Variants in HS3ST5 observed in about 807,000 individuals in gnomAD.
HS3ST5 encodes heparan sulfate-glucosamine 3-sulfotransferase 5.
Under a neutral mutation model 25.4 loss-of-function variants are expected in HS3ST5, and 10 were observed. The ratio of observed to expected loss-of-function variants is 0.39; its 90% CI spans 0.24 to 0.67. The LOEUF (loss-of-function observed/expected upper bound fraction) is 0.67. Among genes scored for constraint, HS3ST5 ranks in the 30% least tolerant of loss-of-function variants. The pLI is 0.44. For missense variants in HS3ST5, 324 were observed against 420.7 expected (o/e 0.77, Z 2.01); for synonymous variants, 170 against 162.4 (o/e 1.05, Z -0.36).
intron 1 of HS3ST5, among the ~76,000 whole-genome samples, chr6:114,261,095 G>T (rs1374792751): frequency 1.3e-5 from 2 of 152,134 alleles, no homozygotes; most frequent in Non-Finnish European, 2.9e-5. Context: ...AAGTTCAGTG[G>T]CTTGAATAAT....
At chr6:114,259,306 T>C (rs1405350895) in intron 1 of HS3ST5, among the ~76,000 whole-genome samples, 2 of 152,148 alleles carry the variant, frequency 1.3e-5, no homozygotes, top group East Asian at 3.8e-4. Context: ...ATGACACTGT[T>C]GCCTTTCCAA....
chr6:114,263,017 T>C (rs1006721382), intron 1 of HS3ST5, among the ~76,000 whole-genome samples: 3 of 152,180 alleles, frequency 2.0e-5, no homozygotes, highest in Admixed American at 2.0e-4. Context: ...ATTCAGTTGC[T>C]GTTTCCCTTA....
chr6:114,184,721 A>G (rs942913634), intron 2 of HS3ST5, among the ~76,000 whole-genome samples: 3 of 152,254 alleles, frequency 2.0e-5, no homozygotes, highest in Non-Finnish European at 4.4e-5. Flanking sequence ...CCTGCCAGGT[A>G]GAACCATGGG....
intron 2 of HS3ST5, among the ~76,000 whole-genome samples, chr6:114,191,322 C>T (rs779021072): frequency 2.0e-5 from 3 of 152,126 alleles, no homozygotes; most frequent in Non-Finnish European, 4.4e-5. Flanking sequence ...TCACTCAATT[C>T]TGCCTTATTG....
intron 1 of HS3ST5, among the ~76,000 whole-genome samples, chr6:114,250,888 T>G (rs931842348): frequency 6.6e-5 from 10 of 152,150 alleles, no homozygotes; most frequent in African/African-American, 2.4e-4. Context: ...AAAAGTTGAG[T>G]GTTTAGAAGT....
rs1319253274 is a variant in HS3ST5 at position 114,249,229 on chromosome 6, ATTCAGCACAT to A, written c.-338-20461_-338-20452del. Among the ~76,000 whole-genome samples the A allele has an allele frequency of 7.2e-5, 11 of 152,314 alleles. No homozygotes were observed. The South Asian group carries it at 2.3e-3, about 32-fold the overall frequency. On this transcript the variant is annotated intron_variant, in intron 1 of 4. Coordinates refer to ENST00000312719, the MANE Select transcript of HS3ST5 (RefSeq NM_153612.4). Reference sequence around the variant, plus strand: ...GTCCATGTTTCTTTTATTAATAGAGATTCAGCACATATGCACTAATTAATAATTAATCTTT... The same window carrying A: ...GTCCATGTTTCTTTTATTAATAGAGAATGCACTAATTAATAATTAATCTTT...
intron 1 of HS3ST5, among the ~76,000 whole-genome samples, chr6:114,272,926 AT>A (rs1179545049): frequency 6.6e-6 from 1 of 152,082 alleles, no homozygotes; most frequent in Non-Finnish European, 1.5e-5. Flanking sequence ...ATTCAGAGAC[AT>A]ACGAGAGAGG....
intron 2 of HS3ST5, among the ~76,000 whole-genome samples, chr6:114,219,157 C>T (rs1781911542): frequency 6.6e-6 from 1 of 152,222 alleles, no homozygotes; most frequent in Non-Finnish European, 1.5e-5. Flanking sequence ...ATTGCTACCT[C>T]ATAAGTATTT....
intron 3 of HS3ST5, among the ~76,000 whole-genome samples, chr6:114,111,980 G>A (rs1776289234): frequency 6.6e-6 from 1 of 151,966 alleles, no homozygotes; most frequent in Admixed American, 6.6e-5. Context: ...TTTCCTCCTT[G>A]CCGTCCTTCT....
chr6:114,109,879 T>C (rs1776183279), intron 3 of HS3ST5, among the ~76,000 whole-genome samples: 1 of 152,218 alleles, frequency 6.6e-6, no homozygotes, highest in African/African-American at 2.4e-5. Context: ...AGTGCAGACA[T>C]AGTCTTTGCC....
rs757510664 is a variant in HS3ST5, at chr6:114,057,393, T to C, written c.905A>G (p.Asn302Ser). The C allele has an allele frequency of 3.8e-5, 61 of 1,614,040 alleles. No homozygotes were observed. The South Asian group carries it at 5.9e-4, about 16-fold the overall frequency. Residue 302 changes from asparagine (N) to serine (S), a missense_variant, in exon 5 of 5, where the codon AAT becomes AGT. Transcript: ENST00000312719. The part of the protein sequence containing the change: ...FYCLRFNIIF[N>S]KCLAGSKGRI... ...CCCCTTGCTGCCCGCCAGGCACTTA[T>C]TAAAGATAATATTAAACCGCAAGCA...
rs185389878 is a variant in HS3ST5 at position 114,188,480 on chromosome 6, C to T, written c.-144-20018G>A. Among the ~76,000 whole-genome samples, 51 of 152,166 alleles carry T rather than the reference C, an allele frequency of 3.4e-4. 1 individual carries two copies. The highest frequency in any genetic ancestry group is 3.2e-3 in the Admixed American group (49 of 15,276). On this transcript the variant is annotated intron_variant, in intron 2 of 4. Coordinates refer to ENST00000312719, the MANE Select transcript of HS3ST5 (RefSeq NM_153612.4). ...CTATTTTTTCAAGGTAACAAATGAA[C>T]GTATCTTAAAGAGACAGAGCTACAG...
intron 1 of HS3ST5, among the ~76,000 whole-genome samples, chr6:114,315,721 T>C (rs1322360174): frequency 6.6e-6 from 1 of 152,236 alleles, no homozygotes; most frequent in Non-Finnish European, 1.5e-5. Context: ...TTTTTCTGTA[T>C]GCTTTTCAAC....
chr6:114,151,229 C>T (rs535242345), intron 3 of HS3ST5, among the ~76,000 whole-genome samples: 2 of 152,270 alleles, frequency 1.3e-5, no homozygotes, highest in Admixed American at 1.3e-4. Flanking sequence ...TCCGACACCA[C>T]GTAATAAAAA....
chr6:114,264,169 T>A (rs1342916194), intron 1 of HS3ST5, among the ~76,000 whole-genome samples: 1 of 152,212 alleles, frequency 6.6e-6, no homozygotes, highest in Non-Finnish European at 1.5e-5. Context: ...TTACTATGTG[T>A]ATGATATCCT....
intron 1 of HS3ST5, among the ~76,000 whole-genome samples, chr6:114,257,243 G>A (rs1174896253): frequency 6.6e-6 from 1 of 152,108 alleles, no homozygotes; most frequent in Non-Finnish European, 1.5e-5. Flanking sequence ...AAGGAAAGAG[G>A]GGATGCAGGG....
intron 1 of HS3ST5, among the ~76,000 whole-genome samples, chr6:114,268,739 C>T (rs1276219873): frequency 1.3e-5 from 2 of 152,242 alleles, no homozygotes; most frequent in East Asian, 3.9e-4. Flanking sequence ...AGCACTTTAA[C>T]TCAAAGTAGG....
At chr6:114,137,122 T>C (rs1424566318) in intron 3 of HS3ST5, among the ~76,000 whole-genome samples, 2 of 152,194 alleles carry the variant, frequency 1.3e-5, no homozygotes, top group African/African-American at 4.8e-5. Context: ...ACTTTCTGGA[T>C]AATGGCAGTA....
chr6:114,104,682 A>G (rs998308952), intron 3 of HS3ST5, among the ~76,000 whole-genome samples: 1 of 152,216 alleles, frequency 6.6e-6, no homozygotes, highest in Admixed American at 6.5e-5. Context: ...TTTTCACCCT[A>G]CTTACTTAGA....
Sources: gnomAD v4.1 joint callset for allele counts (sites outside exome capture counted in the v4.1 genomes callset) on GRCh38, gnomAD v4.1.1 for gene constraint, MANE v1.5 for transcripts, NCBI Gene and HGNC (gene_info 2026-07-23, HGNC 2026-07-21) for gene names.